UGGT2: variants seen among roughly 807,000 people sequenced by gnomAD.
UGGT2 encodes the protein UDP-glucose glycoprotein glucosyltransferase 2.
In UGGT2, 180 loss-of-function variants were observed where a neutral mutation model predicts 192.1. The ratio of observed to expected loss-of-function variants is 0.94; its 90% CI spans 0.83 to 1.06. The LOEUF (loss-of-function observed/expected upper bound fraction) is 1.06. UGGT2 is among the 50% of genes least tolerant of loss of function. The probability of loss-of-function intolerance (pLI) is 0.00; values close to 1 mark genes in which losing one functional copy is unlikely to be tolerated. For missense variants in UGGT2, 1,849 were observed against 1,795.7 expected (o/e 1.03, Z -0.54); for synonymous variants, 580 against 591.0 (o/e 0.98, Z 0.27).
At chr13:95,996,022 A>G (rs745925448) in intron 7 of UGGT2, 41 bp downstream of exon 7, 3 of 1,554,954 alleles carry the variant, frequency 1.9e-6, no homozygotes, top group South Asian at 1.1e-5. Flanking sequence ...TTAAAAACCA[A>G]TGGGTATAAT....
chr13:95,819,071 A>C (rs1885223339), intron 38 of UGGT2, among the ~76,000 whole-genome samples: 1 of 152,226 alleles, frequency 6.6e-6, no homozygotes, highest in African/African-American at 2.4e-5. Flanking sequence ...GCTAACATTC[A>C]TACAGTTAAT....
chr13:95,971,380 C>G (rs2050768399), intron 11 of UGGT2, among the ~76,000 whole-genome samples: 1 of 152,166 alleles, frequency 6.6e-6, no homozygotes, highest in Non-Finnish European at 1.5e-5. Context: ...CATTTTGTCT[C>G]TTCCTCTTTT....
intron 17 of UGGT2, among the ~76,000 whole-genome samples, chr13:95,930,783 T>C (rs2049227171): frequency 1.3e-5 from 2 of 152,074 alleles, no homozygotes; most frequent in South Asian, 2.1e-4. Context: ...AAAGATGGAG[T>C]GTCCAGAGTT....
intron 12 of UGGT2, among the ~76,000 whole-genome samples, chr13:95,959,530 C>T (rs930002427): frequency 2.0e-5 from 3 of 152,120 alleles, no homozygotes; most frequent in South Asian, 2.1e-4. Flanking sequence ...TGTCCAGGGA[C>T]GTGGGGATCA....
At chr13:95,895,462 G>C (rs922961708) in intron 22 of UGGT2, among the ~76,000 whole-genome samples, 158 bp from the exon 23 acceptor site, 2 of 151,772 alleles carry the variant, frequency 1.3e-5, no homozygotes, top group Non-Finnish European at 2.9e-5. Flanking sequence ...AAATACGCTA[G>C]GAAACAAGAT....
chr13:96,023,703 T>C lies in UGGT2; in HGVS notation c.298A>G (p.Asn100Asp), dbSNP rs1183794333. The C allele has an allele frequency of 6.2e-7, 1 of 1,611,790 alleles. No homozygotes were observed. The highest frequency in any genetic ancestry group is 8.5e-7 in the Non-Finnish European group (1 of 1,178,368). The change falls in exon 3 of 39, where the codon AAT becomes GAT. Residue 100 changes from asparagine (N) to aspartate (D), a missense_variant. Physicochemically the swap from Asn to Asp is conservative, Grantham distance 23 (BLOSUM62 1). Transcript: ENST00000376747. ...AACTTTAAAAGGTTGATGTGTAAAT[T>C]GTCTAGAAACTGTCCAGCTTTCTTC... ...ILKKAGQFLDNLHINLLKFAF... is the reference protein window; with the variant it reads ...ILKKAGQFLDDLHINLLKFAF...
At position 95,927,118 on chromosome 13, in the gene UGGT2, C is replaced by A; in HGVS notation, c.2110G>T (p.Asp704Tyr). 5.6e-6 allele frequency: 9 copies of A among 1,607,804 alleles called. No homozygotes were observed. The highest frequency in any genetic ancestry group is 1.3e-5 in the African/African-American group (1 of 74,526). The change falls in exon 19 of 39, where the codon GAT becomes TAT. Residue 704 changes from aspartate to tyrosine, a missense_variant. Asp to Tyr is a radical substitution (Grantham distance 160). Transcript: ENST00000376747. ...LNLISTSVTA[D>Y]VEDFSTFFFL... is the part of the protein sequence containing the mutation. The stretch of plus-strand genomic sequence containing the variant: ...AAGAAAGTAGAGAAATCTTCAACAT[C>A]AGCAGTTACTGAAAAATTTCAAATT...
chr13:95,992,639 A>G (rs1417335099), intron 7 of UGGT2, among the ~76,000 whole-genome samples: 1 of 152,228 alleles, frequency 6.6e-6, no homozygotes, highest in African/African-American at 2.4e-5. Context: ...ACTTCTCACA[A>G]GAAAACATAT....
chr13:95,821,381 G>A (rs1596710), intron 38 of UGGT2, among the ~76,000 whole-genome samples: 109,603 of 152,078 alleles, frequency 0.72, 40,856 homozygotes, highest in African/African-American at 0.93. Context: ...CCATTTGTGC[G>A]TCTTCTTTTG....
chr13:95,884,999 C>T (rs1027016977), intron 26 of UGGT2, among the ~76,000 whole-genome samples: 1 of 152,098 alleles, frequency 6.6e-6, no homozygotes, highest in African/African-American at 2.4e-5. Flanking sequence ...GATTTGTATG[C>T]ATCCTCCTTC....
At chr13:96,009,538 A>C (rs1246574625) in intron 5 of UGGT2, among the ~76,000 whole-genome samples, 1 of 152,244 alleles carries the variant, frequency 6.6e-6, no homozygotes, top group Non-Finnish European at 1.5e-5. Flanking sequence ...GGCTGGACGC[A>C]GTGGCTCACG....
At chr13:96,024,465 G>A (rs749944002) in intron 2 of UGGT2, among the ~76,000 whole-genome samples, 2 of 152,192 alleles carry the variant, frequency 1.3e-5, no homozygotes, top group African/African-American at 2.4e-5. Flanking sequence ...TGGCACTAAC[G>A]GGGATAAGCA....
chr13:95,821,496 T>C (rs1356812112), intron 38 of UGGT2, among the ~76,000 whole-genome samples: 2 of 152,208 alleles, frequency 1.3e-5, no homozygotes, highest in Admixed American at 6.5e-5. Context: ...GTTAGATGCA[T>C]AGTTCACAAA....
intron 22 of UGGT2, among the ~76,000 whole-genome samples, chr13:95,899,395 C>T (rs1345673362): frequency 2.0e-5 from 3 of 152,020 alleles, no homozygotes; most frequent in East Asian, 1.9e-4. Context: ...TACTGCTGTG[C>T]CTTCAGAATC....
intron 20 of UGGT2, among the ~76,000 whole-genome samples, chr13:95,916,694 T>C (rs1040742509): frequency 2.0e-5 from 3 of 151,838 alleles, no homozygotes; most frequent in Non-Finnish European, 4.4e-5. Context: ...ACAATCAGTT[T>C]AGAGAGGAAT....
intron 38 of UGGT2, among the ~76,000 whole-genome samples, chr13:95,829,324 A>G (rs577697250): frequency 3.6e-3 from 541 of 152,318 alleles, no homozygotes; most frequent in Non-Finnish European, 5.7e-3. Context: ...GGCCAGGGCA[A>G]TCAGGCAGGA....
chr13:95,897,102 T>C (rs975399932), intron 22 of UGGT2, among the ~76,000 whole-genome samples: 1 of 152,052 alleles, frequency 6.6e-6, no homozygotes, highest in Non-Finnish European at 1.5e-5. Context: ...TGAGAGAAAA[T>C]AGCAGTTAAT....
chr13:95,931,298 T>C (rs967134915), intron 17 of UGGT2, among the ~76,000 whole-genome samples: 1 of 152,126 alleles, frequency 6.6e-6, no homozygotes, highest in Non-Finnish European at 1.5e-5. Flanking sequence ...AGAGTGCTGA[T>C]TGGTGTATTC....
At chr13:95,925,948 C>T (rs2140431159) in intron 19 of UGGT2, among the ~76,000 whole-genome samples, 174 bp from the exon 20 acceptor site, 1 of 151,560 alleles carries the variant, frequency 6.6e-6, no homozygotes, top group African/African-American at 2.4e-5. Context: ...TATATACATA[C>T]AAAAATAAAT....
Sources: allele counts gnomAD v4.1 joint callset (sites outside exome capture counted in the v4.1 genomes callset), GRCh38; gene constraint gnomAD v4.1.1; transcripts MANE v1.5; gene names NCBI Gene and HGNC (gene_info 2026-07-23, HGNC 2026-07-21).